Variants in DNAH8 observed in about 807,000 individuals in gnomAD.
DNAH8 encodes axonemal beta dynein heavy chain 8.
In DNAH8, 382 loss-of-function variants were observed where a neutral mutation model predicts 562.1. That is an observed-to-expected ratio of 0.68 (90% CI 0.63 to 0.74). The LOEUF is 0.74. DNAH8 is among the 30% of genes least tolerant of loss of function. The pLI, the probability that DNAH8 is intolerant of heterozygous loss-of-function variation, is 0.00. For synonymous variants in DNAH8, 1,881 were observed against 1,919.4 expected, an observed-to-expected ratio of 0.98 and a Z score of 0.52; for missense variants, 5,203 against 5,620.4, an observed-to-expected ratio of 0.93 and a Z score of 2.37.
chr6:38,982,802 G>C (rs1561941340), intron 86 of DNAH8, among the ~76,000 whole-genome samples: 1 of 152,208 alleles, frequency 6.6e-6, no homozygotes, highest in Non-Finnish European at 1.5e-5. Flanking sequence ...GATGGTATCT[G>C]CCTGCCCATG....
intron 3 of DNAH8, among the ~76,000 whole-genome samples, chr6:38,728,684 G>T (rs1288634748): frequency 6.6e-6 from 1 of 152,136 alleles, no homozygotes; most frequent in Non-Finnish European, 1.5e-5. Flanking sequence ...CTAGAGTTAC[G>T]CACATCTTGG....
At chr6:39,018,752 A>G (rs1766714945) in intron 91 of DNAH8, among the ~76,000 whole-genome samples, 1 of 152,208 alleles carries the variant, frequency 6.6e-6, no homozygotes, top group African/African-American at 2.4e-5. Flanking sequence ...AAACCAGGAC[A>G]GCATGGTGTC....
Position 38,946,150 on chromosome 6 carries a change from T to C in DNAH8, c.12129+562T>C, listed in dbSNP as rs146274848. Among the ~76,000 whole-genome samples the C allele has an allele frequency of 4.0e-3, 609 of 152,338 alleles. 8 individuals carry two copies. The highest frequency in any genetic ancestry group is 0.02 in the Middle Eastern group (6 of 294). Reference sequence around the variant, plus strand: ...GAGACTCAGAATAAAGATAGCTGTTTCTTACTGGGTTCTGTTGGCTGCAAC... The same window carrying C: ...GAGACTCAGAATAAAGATAGCTGTTCCTTACTGGGTTCTGTTGGCTGCAAC... On this transcript the variant is annotated intron_variant, in intron 80 of 92. Coordinates refer to ENST00000327475, the MANE Select transcript of DNAH8 (RefSeq NM_001206927.2).
At chr6:38,885,500 C>T (rs1025053467) in intron 56 of DNAH8, among the ~76,000 whole-genome samples, 8 of 152,100 alleles carry the variant, frequency 5.3e-5, no homozygotes, top group East Asian at 1.9e-4. Context: ...AGTTAGATCA[C>T]GACACACTCT....
intron 76 of DNAH8, among the ~76,000 whole-genome samples, chr6:38,933,494 T>G (rs1782715196): frequency 6.6e-6 from 1 of 152,184 alleles, no homozygotes; most frequent in Non-Finnish European, 1.5e-5. Context: ...CTGCCAAGCC[T>G]CCTAGATAAG....
chr6:38,768,708 A>G (rs1229304694), intron 11 of DNAH8, among the ~76,000 whole-genome samples: 1 of 152,168 alleles, frequency 6.6e-6, no homozygotes, highest in South Asian at 2.1e-4. Context: ...TATCTTACTA[A>G]ACTTTGTCTT....
chr6:38,806,799 A>G (rs1261967718), intron 23 of DNAH8, among the ~76,000 whole-genome samples: 1 of 152,070 alleles, frequency 6.6e-6, no homozygotes, highest in African/African-American at 2.4e-5. Flanking sequence ...AATAATAATA[A>G]TAATAAAAAT....
At chr6:38,990,865 G>A (rs1764737971) in intron 88 of DNAH8, among the ~76,000 whole-genome samples, 1 of 152,166 alleles carries the variant, frequency 6.6e-6, no homozygotes, top group Admixed American at 6.5e-5. Flanking sequence ...CCAAGCACCT[G>A]AACTGGAATC....
At chr6:38,730,097 C>T (rs900467621) in intron 4 of DNAH8, 111 bp downstream of exon 4, 2 of 594,456 alleles carry the variant, frequency 3.4e-6, no homozygotes, top group Admixed American at 3.3e-5. Context: ...AAAATGTTAC[C>T]AGAAGTTTAT....
Position 39,008,727 on chromosome 6 carries a change from G to C in DNAH8, c.13215-87G>C, listed in dbSNP as rs1316210428. The stretch of plus-strand genomic sequence containing the variant: ...TTTTTTGTAGCTTGCTTTGATTTAA[G>C]TGATTCTATCAGTTCATTTTAACAC... On this transcript the variant is annotated intron_variant, in intron 88 of 92. Coordinates refer to ENST00000327475, the MANE Select transcript of DNAH8 (RefSeq NM_001206927.2). 3 of 473,238 alleles carry C rather than the reference G, an allele frequency of 6.3e-6. No individual in the cohort carries two copies. In the African/African-American group the frequency reaches 6.7e-5, roughly 11 times the overall value. The allele number at this position is 473,238 out of a possible 1,614,324, so 29.3% of individuals were successfully genotyped here.
At chr6:38,781,226 A>G in intron 15 of DNAH8, 28 bp from the exon 16 acceptor site, 2 of 1,612,656 alleles carry the variant, frequency 1.2e-6, no homozygotes, top group Non-Finnish European at 1.7e-6. Context: ...ATTGAATTCA[A>G]ACATTAACAT....
chr6:38,891,626 A>G (rs1405750986), intron 58 of DNAH8, among the ~76,000 whole-genome samples: 1 of 152,216 alleles, frequency 6.6e-6, no homozygotes, highest in African/African-American at 2.4e-5. Flanking sequence ...TTCCTTGCCA[A>G]CACAGGGCCT....
rs569195029 is a variant in DNAH8 at position 38,974,413 on chromosome 6, C to A, written c.12718C>A (p.Arg4240Ser). ...CACTAATGAGCCACCCCAAGGTGTACGCGCAGGTTTGAAAAGAACATTTGC... is the reference window on the plus strand; with the variant it reads ...CACTAATGAGCCACCCCAAGGTGTAAGCGCAGGTTTGAAAAGAACATTTGC... ...KFTNEPPQGVRAGLKRTFAGI... is the reference protein window; with the variant it reads ...KFTNEPPQGVSAGLKRTFAGI... Residue 4240 changes from arginine (R) to serine (S), a missense_variant, in exon 85 of 93, where the codon CGC becomes AGC. Arg to Ser is a moderately radical substitution (Grantham distance 110). Coordinates refer to ENST00000327475, the MANE Select transcript of DNAH8 (RefSeq NM_001206927.2). 1 of 1,613,884 alleles carries A rather than the reference C, an allele frequency of 6.2e-7. No individual in the cohort carries two copies.
chr6:38,850,940 G>A (rs1216835662), intron 38 of DNAH8, among the ~76,000 whole-genome samples: 1 of 152,110 alleles, frequency 6.6e-6, no homozygotes, highest in East Asian at 1.9e-4. Flanking sequence ...TTCCAAATAA[G>A]GTCATGCTTC....
chr6:38,815,381 C>A (rs778846867), intron 25 of DNAH8, 87 bp from the exon 26 acceptor site: 2 of 1,090,958 alleles, frequency 1.8e-6, no homozygotes, highest in Non-Finnish European at 1.4e-6. Flanking sequence ...GAGGCTTGCC[C>A]CACTCAGTGG....
At chr6:38,829,221 A>G (rs1478303505) in intron 30 of DNAH8, among the ~76,000 whole-genome samples, 1 of 152,102 alleles carries the variant, frequency 6.6e-6, no homozygotes, top group Non-Finnish European at 1.5e-5. Flanking sequence ...AATTCTTTAT[A>G]TATTATGGAT....
intron 21 of DNAH8, among the ~76,000 whole-genome samples, chr6:38,796,754 C>T (rs1321460739): frequency 1.3e-5 from 2 of 152,084 alleles, no homozygotes; most frequent in Non-Finnish European, 2.9e-5. Flanking sequence ...GTTGTAAGCC[C>T]TTAAAAGGGA....
chr6:38,865,740 G>T (rs889226137), intron 45 of DNAH8, among the ~76,000 whole-genome samples: 3 of 152,318 alleles, frequency 2.0e-5, no homozygotes, highest in African/African-American at 7.2e-5. Context: ...TTTAATCTAG[G>T]TGTTGCTGTA....
intron 24 of DNAH8, among the ~76,000 whole-genome samples, chr6:38,810,033 T>C (rs1771656444): frequency 6.6e-6 from 1 of 152,206 alleles, no homozygotes; most frequent in Non-Finnish European, 1.5e-5. Flanking sequence ...TAAAAATATT[T>C]TATACCTGAT....
Sources: gnomAD v4.1 joint callset for allele counts (sites outside exome capture counted in the v4.1 genomes callset) on GRCh38, gnomAD v4.1.1 for gene constraint, MANE v1.5 for transcripts, NCBI Gene and HGNC (gene_info 2026-07-23, HGNC 2026-07-21) for gene names.